The following HPSE2 variants were observed in gnomAD, a reference collection of about 807,000 sequenced individuals.
HPSE2 encodes the protein inactive heparanase-2.
HPSE2 carries 38 observed loss-of-function variants against 60.5 expected under a neutral mutation model. The observed-to-expected ratio is 0.63, with a 90% CI of 0.48 to 0.82. The LOEUF is 0.82. HPSE2 is among the 40% of genes least tolerant of loss of function. The pLI is 0.00. For missense variants in HPSE2, 713 were observed against 740.4 expected (o/e 0.96, Z 0.43); for synonymous variants, 295 against 293.2 (o/e 1.01, Z -0.06).
chr10:99,146,786 A>G (rs1205354993), intron 2 of HPSE2, among the ~76,000 whole-genome samples: 1 of 152,162 alleles, frequency 6.6e-6, no homozygotes, highest in African/African-American at 2.4e-5. Context: ...ACTTGAACGC[A>G]GGAAGCGGAG....
At chr10:99,070,509 G>T (rs949945564) in intron 3 of HPSE2, among the ~76,000 whole-genome samples, 2 of 152,098 alleles carry the variant, frequency 1.3e-5, no homozygotes, top group Non-Finnish European at 2.9e-5. Flanking sequence ...ATTGTAGTAA[G>T]AACATTTAGC....
intron 3 of HPSE2, among the ~76,000 whole-genome samples, chr10:98,800,962 T>C (rs982346866): frequency 6.6e-6 from 1 of 152,148 alleles, no homozygotes; most frequent in Admixed American, 6.5e-5. Flanking sequence ...TGATTATTCA[T>C]GCAAAAATCC....
intron 3 of HPSE2, among the ~76,000 whole-genome samples, chr10:98,845,506 G>A (rs572410728): frequency 6.6e-6 from 1 of 152,208 alleles, no homozygotes; most frequent in South Asian, 2.1e-4. Flanking sequence ...AAATTTTCAT[G>A]AGAGAATCAT....
At chr10:98,888,742 G>A (rs906140903) in intron 3 of HPSE2, among the ~76,000 whole-genome samples, 7 of 152,116 alleles carry the variant, frequency 4.6e-5, no homozygotes. Flanking sequence ...CAGCCCACAA[G>A]GCCTTAGTAA....
the HPSE2 span, among the ~76,000 whole-genome samples, chr10:99,304,803 A>G: frequency 6.6e-6 from 1 of 152,234 alleles, no homozygotes; most frequent in Non-Finnish European, 1.5e-5. Context: ...CTGCTTACAG[A>G]CAGAAACGAA....
chr10:99,231,944 G>A (rs962707636), intron 2 of HPSE2, among the ~76,000 whole-genome samples: 2 of 152,124 alleles, frequency 1.3e-5, no homozygotes, highest in Non-Finnish European at 2.9e-5. Context: ...AATAATCTAT[G>A]AACCTGGCTG....
At chr10:99,035,595 C>T (rs117925514) in intron 3 of HPSE2, among the ~76,000 whole-genome samples, 2,668 of 152,268 alleles carry the variant, frequency 0.018, 49 homozygotes, top group Middle Eastern at 0.051. Context: ...GTATTATATG[C>T]TGTATATAGT....
chr10:99,298,633 A>G, the HPSE2 span, among the ~76,000 whole-genome samples: 2 of 152,160 alleles, frequency 1.3e-5, no homozygotes, highest in Non-Finnish European at 2.9e-5. Flanking sequence ...TTTTGTAAAA[A>G]GTAAAGAAAA....
At chr10:98,649,383 G>A (rs1170670082) in intron 6 of HPSE2, among the ~76,000 whole-genome samples, 2 of 152,218 alleles carry the variant, frequency 1.3e-5, no homozygotes, top group East Asian at 3.9e-4. Flanking sequence ...TTGCAGATTA[G>A]AAACTACAGC....
chr10:98,986,429 G>A (rs1956352601), intron 3 of HPSE2, among the ~76,000 whole-genome samples: 2 of 151,148 alleles, frequency 1.3e-5, no homozygotes, highest in South Asian at 4.3e-4. Context: ...AAATAAAGAT[G>A]TTCTTTGAAA....
At chr10:99,137,678 G>A (rs1332100342) in intron 3 of HPSE2, among the ~76,000 whole-genome samples, 2 of 152,136 alleles carry the variant, frequency 1.3e-5, no homozygotes, top group African/African-American at 2.4e-5. Context: ...TGGGAAAACT[G>A]GCTAGCCATA....
At chr10:98,619,763 C>T (rs1465549715) in intron 8 of HPSE2, among the ~76,000 whole-genome samples, 1 of 152,194 alleles carries the variant, frequency 6.6e-6, no homozygotes, top group Non-Finnish European at 1.5e-5. Flanking sequence ...TAGAGTAATC[C>T]TACTATGCTT....
the HPSE2 span, among the ~76,000 whole-genome samples, chr10:99,313,172 GCTT>G: frequency 2.0e-5 from 3 of 152,162 alleles, no homozygotes; most frequent in African/African-American, 7.2e-5. Flanking sequence ...CTGAGGTATT[GCTT>G]TCTAGCAATG....
the HPSE2 span, among the ~76,000 whole-genome samples, chr10:99,294,371 A>G: frequency 6.8e-6 from 1 of 147,104 alleles, no homozygotes; most frequent in Non-Finnish European, 1.5e-5. Context: ...TATATAGTAT[A>G]TAATACATAC....
At chr10:98,963,072 A>T (rs1254730983) in intron 3 of HPSE2, among the ~76,000 whole-genome samples, 1 of 152,146 alleles carries the variant, frequency 6.6e-6, no homozygotes, top group East Asian at 1.9e-4. Flanking sequence ...CACTTTAAGG[A>T]CCTTCAGGAT....
intron 3 of HPSE2, among the ~76,000 whole-genome samples, chr10:98,817,710 G>A (rs1315346658): frequency 1.3e-5 from 2 of 152,018 alleles, no homozygotes; most frequent in African/African-American, 4.8e-5. Context: ...CTTGATTCCC[G>A]TTTCTGTTAA....
At chr10:98,706,434 C>G (rs1032466059) in intron 5 of HPSE2, among the ~76,000 whole-genome samples, 4 of 152,112 alleles carry the variant, frequency 2.6e-5, no homozygotes, top group Non-Finnish European at 5.9e-5. Context: ...CTCAGGGCCT[C>G]TGCTACAAGA....
chr10:98,747,407 T>A (rs1238210537), intron 3 of HPSE2, among the ~76,000 whole-genome samples: 1 of 152,232 alleles, frequency 6.6e-6, no homozygotes, highest in Non-Finnish European at 1.5e-5. Context: ...TTACTGTGTA[T>A]GTTTCACATG....
intron 3 of HPSE2, among the ~76,000 whole-genome samples, chr10:98,772,876 A>T (rs11189813): frequency 0.02 from 3,072 of 152,338 alleles, 119 homozygotes; most frequent in East Asian, 0.17. Context: ...TTGAAATTCT[A>T]AGCAAGAATT....
Sources: gnomAD v4.1 joint callset for allele counts (sites outside exome capture counted in the v4.1 genomes callset) on GRCh38, gnomAD v4.1.1 for gene constraint, MANE v1.5 for transcripts, NCBI Gene and HGNC (gene_info 2026-07-23, HGNC 2026-07-21) for gene names.